The following SLC25A21 variants were observed in gnomAD, a reference collection of about 807,000 sequenced individuals.
SLC25A21 encodes solute carrier family 25 member 21, also known as mitochondrial 2-oxodicarboxylate carrier.
Under a neutral mutation model 43.8 loss-of-function variants are expected in SLC25A21, and 47 were observed. The ratio of observed to expected loss-of-function variants is 1.07; its 90% confidence interval spans 0.85 to 1.37. The LOEUF is 1.37. Ranked by LOEUF, SLC25A21 falls within the 40% of genes most tolerant of loss-of-function variation. SLC25A21 has a pLI of 0.00. For missense variants in SLC25A21, 352 were observed against 350.2 expected (o/e 1.00, Z -0.04); for synonymous variants, 131 against 121.3 (o/e 1.08, Z -0.52).
chr14:37,067,510 A>T (rs967693136), intron 1 of SLC25A21, among the ~76,000 whole-genome samples: 5 of 152,122 alleles, frequency 3.3e-5, no homozygotes, highest in Admixed American at 3.3e-4. Context: ...TTTTTTTTCT[A>T]TCATCGGACC....
intron 1 of SLC25A21, among the ~76,000 whole-genome samples, chr14:37,150,047 T>C (rs1963732403): frequency 6.6e-6 from 1 of 152,104 alleles, no homozygotes; most frequent in Admixed American, 6.5e-5. Flanking sequence ...AGAACTTACA[T>C]TCAAGAAAAA....
intron 1 of SLC25A21, among the ~76,000 whole-genome samples, chr14:37,162,329 A>G (rs1033896496): frequency 2.0e-5 from 3 of 152,196 alleles, no homozygotes; most frequent in African/African-American, 7.2e-5. Flanking sequence ...TTAGACATGA[A>G]GTCCTTGCCC....
chr14:37,143,873 T>C (rs1196251340), intron 1 of SLC25A21, among the ~76,000 whole-genome samples: 1 of 152,202 alleles, frequency 6.6e-6, no homozygotes, highest in Non-Finnish European at 1.5e-5. Context: ...TCAAAAGCAG[T>C]TAAATTGTTG....
chr14:36,767,194 C>G (rs537481319), intron 3 of SLC25A21, among the ~76,000 whole-genome samples: 149 of 152,278 alleles, frequency 9.8e-4, no homozygotes, highest in Non-Finnish European at 1.6e-3. Flanking sequence ...TTAAAGCTAT[C>G]TGGTATCTCT....
At chr14:36,816,297 G>C (rs1888452463) in intron 2 of SLC25A21, among the ~76,000 whole-genome samples, 1 of 152,082 alleles carries the variant, frequency 6.6e-6, no homozygotes, top group Admixed American at 6.6e-5. Context: ...CTCTAAATGA[G>C]TATCTATTGA....
intron 1 of SLC25A21, among the ~76,000 whole-genome samples, chr14:37,154,443 T>C (rs1455997147): frequency 7.0e-6 from 1 of 143,738 alleles, no homozygotes; most frequent in Non-Finnish European, 1.5e-5. Context: ...GATATAAACA[T>C]AAAGACACAG....
At chr14:36,957,046 G>A (rs567019946) in intron 1 of SLC25A21, among the ~76,000 whole-genome samples, 8 of 152,308 alleles carry the variant, frequency 5.3e-5, no homozygotes, top group South Asian at 2.1e-4. Context: ...AGATTCTAAC[G>A]ATGCTATTTG....
chr14:37,136,463 T>C (rs945170041), intron 1 of SLC25A21, among the ~76,000 whole-genome samples: 1 of 152,218 alleles, frequency 6.6e-6, no homozygotes, highest in Non-Finnish European at 1.5e-5. Context: ...TGGATATTCC[T>C]ACATGCCAGA....
chr14:37,114,400 A>C (rs1213569660), intron 1 of SLC25A21, among the ~76,000 whole-genome samples: 2 of 152,234 alleles, frequency 1.3e-5, no homozygotes, highest in African/African-American at 4.8e-5. Flanking sequence ...AAGAGATGGA[A>C]GCAATTAAAT....
chr14:37,006,947 A>T (rs1405718435), intron 1 of SLC25A21, among the ~76,000 whole-genome samples: 4 of 152,214 alleles, frequency 2.6e-5, no homozygotes, highest in Non-Finnish European at 5.9e-5. Flanking sequence ...TAAAACAAAC[A>T]AACAAACAAA....
chr14:37,021,643 C>A (rs1960987348), intron 1 of SLC25A21, among the ~76,000 whole-genome samples: 1 of 151,702 alleles, frequency 6.6e-6, no homozygotes, highest in South Asian at 2.1e-4. Flanking sequence ...ATTTTAAATC[C>A]CTGCTTGAGT....
intron 2 of SLC25A21, among the ~76,000 whole-genome samples, chr14:36,852,873 AACTT>A (rs1488738564): frequency 3.9e-5 from 6 of 152,318 alleles, no homozygotes; most frequent in African/African-American, 1.4e-4. Flanking sequence ...TTTACGTAGA[AACTT>A]AATATACTGA....
intron 7 of SLC25A21, among the ~76,000 whole-genome samples, chr14:36,688,925 G>C (rs901839443): frequency 6.6e-6 from 1 of 152,214 alleles, no homozygotes; most frequent in Non-Finnish European, 1.5e-5. Context: ...TTGCCTCAAG[G>C]CATAGTTTTT....
At chr14:36,808,325 T>C (rs1888116287) in intron 3 of SLC25A21, among the ~76,000 whole-genome samples, 1 of 152,250 alleles carries the variant, frequency 6.6e-6, no homozygotes, top group Middle Eastern at 3.4e-3. Context: ...CAGAGCTAAT[T>C]ATAAAGGATG....
intron 1 of SLC25A21, among the ~76,000 whole-genome samples, chr14:36,960,196 C>G (rs997364280): frequency 7.9e-5 from 12 of 152,112 alleles, no homozygotes; most frequent in Non-Finnish European, 1.5e-5. Flanking sequence ...TATGTTGTTC[C>G]TATTTTTAGT....
intron 3 of SLC25A21, among the ~76,000 whole-genome samples, chr14:36,799,519 A>T (rs1198072778): frequency 1.3e-5 from 2 of 152,192 alleles, no homozygotes; most frequent in Admixed American, 1.3e-4. Flanking sequence ...TCATATTATA[A>T]GAATAGTTTA....
chr14:36,813,609 T>C (rs1226440000), intron 3 of SLC25A21, among the ~76,000 whole-genome samples: 7 of 152,316 alleles, frequency 4.6e-5, no homozygotes, highest in Admixed American at 3.3e-4. Flanking sequence ...TTGGACATTG[T>C]ATTACAGTAC....
chr14:36,904,025 AT>A (rs1366184752), intron 1 of SLC25A21, among the ~76,000 whole-genome samples: 5 of 152,236 alleles, frequency 3.3e-5, no homozygotes, highest in African/African-American at 1.2e-4. Context: ...AACTGTCAAT[AT>A]TTTCCACGAA....
At chr14:36,704,288 G>A (rs902751490) in intron 7 of SLC25A21, among the ~76,000 whole-genome samples, 8 of 152,114 alleles carry the variant, frequency 5.3e-5, no homozygotes, top group African/African-American at 9.7e-5. Flanking sequence ...ATCCGGTTAC[G>A]TTATCTGGAC....
Sources: allele counts gnomAD v4.1 joint callset (sites outside exome capture counted in the v4.1 genomes callset), GRCh38; gene constraint gnomAD v4.1.1; transcripts MANE v1.5; gene names NCBI Gene and HGNC (gene_info 2026-07-23, HGNC 2026-07-21).